The following ALCAM variants were observed in gnomAD, a reference collection of about 807,000 sequenced individuals.
ALCAM encodes CD166 antigen.
A neutral mutation model predicts 70.9 loss-of-function variants in ALCAM; 30 were observed. The observed-to-expected ratio is 0.42, with a 90% confidence interval of 0.32 to 0.57. The LOEUF is 0.57. ALCAM is among the 20% of genes least tolerant of loss of function. The pLI is 0.11. For missense variants in ALCAM, 591 were observed against 695.1 expected, an observed-to-expected ratio of 0.85 and a Z score of 1.68; for synonymous variants, 249 against 242.5, an observed-to-expected ratio of 1.03 and a Z score of -0.25.
chr3:105,515,624 G>A, intron 1 of ALCAM, among the ~76,000 whole-genome samples: 1 of 151,934 alleles, frequency 6.6e-6, no homozygotes, highest in Non-Finnish European at 1.5e-5. Context: ...GAGTGGTGCT[G>A]TCATCTAATG....
intron 9 of ALCAM, among the ~76,000 whole-genome samples, chr3:105,546,335 G>C (rs992394663): frequency 6.6e-6 from 1 of 151,292 alleles, no homozygotes; most frequent in Admixed American, 6.6e-5. Flanking sequence ...AAATTATTTT[G>C]TATTGCTTTA....
intron 1 of ALCAM, among the ~76,000 whole-genome samples, chr3:105,415,115 A>G (rs537178841): frequency 6.6e-6 from 1 of 152,228 alleles, no homozygotes; most frequent in South Asian, 2.1e-4. Flanking sequence ...AGTCCTTTTT[A>G]GAGCACATGT....
intron 1 of ALCAM, among the ~76,000 whole-genome samples, chr3:105,457,752 G>A (rs1223019753): frequency 6.6e-6 from 1 of 152,092 alleles, no homozygotes; most frequent in Non-Finnish European, 1.5e-5. Context: ...GGCTGCAGTT[G>A]TTTGTGTTCA....
chr3:105,551,344 T>C (rs1940400797), intron 12 of ALCAM, among the ~76,000 whole-genome samples: 2 of 151,692 alleles, frequency 1.3e-5, no homozygotes, highest in East Asian at 2.0e-4. Flanking sequence ...TGTTAACCCA[T>C]TGAATGGTAT....
chr3:105,511,787 A>G (rs907549892), intron 1 of ALCAM, among the ~76,000 whole-genome samples: 2 of 152,014 alleles, frequency 1.3e-5, no homozygotes, highest in African/African-American at 4.8e-5. Context: ...ATTTTTCAGT[A>G]TGAGGTTAGA....
intron 1 of ALCAM, among the ~76,000 whole-genome samples, chr3:105,380,994 T>C (rs958249182): frequency 1.3e-5 from 2 of 151,940 alleles, no homozygotes; most frequent in African/African-American, 4.8e-5. Flanking sequence ...AGCCAAATTG[T>C]TTAGTTTTGA....
intron 11 of ALCAM, among the ~76,000 whole-genome samples, chr3:105,549,316 C>T (rs1940335558): frequency 6.6e-6 from 1 of 151,360 alleles, no homozygotes; most frequent in South Asian, 2.1e-4. Flanking sequence ...CCCTCCTCCA[C>T]CCCAGCAACT....
At chr3:105,560,937 A>C (rs994078329) in intron 14 of ALCAM, among the ~76,000 whole-genome samples, 1 of 152,196 alleles carries the variant, frequency 6.6e-6, no homozygotes, top group African/African-American at 2.4e-5. Context: ...TGTGCCACAA[A>C]AAGTTTTGTG....
chr3:105,553,879 A>G (rs1940464157), intron 14 of ALCAM, among the ~76,000 whole-genome samples: 1 of 152,044 alleles, frequency 6.6e-6, no homozygotes, highest in East Asian at 1.9e-4. Context: ...GTGTTGAAGG[A>G]GTAGACCATA....
At chr3:105,455,844 C>T (rs902330769) in intron 1 of ALCAM, among the ~76,000 whole-genome samples, 2 of 152,188 alleles carry the variant, frequency 1.3e-5, no homozygotes, top group Non-Finnish European at 2.9e-5. Context: ...AATCCTAGCA[C>T]TTTGGAAGGC....
At chr3:105,396,908 A>C (rs536181341) in intron 1 of ALCAM, among the ~76,000 whole-genome samples, 1 of 152,188 alleles carries the variant, frequency 6.6e-6, no homozygotes, top group South Asian at 2.1e-4. Context: ...GTGGCATGAA[A>C]GTGTTAACTA....
intron 1 of ALCAM, among the ~76,000 whole-genome samples, chr3:105,401,406 A>G (rs1936086490): frequency 6.6e-6 from 1 of 152,218 alleles, no homozygotes; most frequent in Admixed American, 6.5e-5. Flanking sequence ...GCAGTACAAA[A>G]TGTTCAGGAG....
At chr3:105,562,965 C>G (rs1225858771) in intron 14 of ALCAM, among the ~76,000 whole-genome samples, 3 of 152,068 alleles carry the variant, frequency 2.0e-5, no homozygotes, top group African/African-American at 7.2e-5. Context: ...GCCACCACGC[C>G]TGGCTAATTT....
At chr3:105,541,582 C>T in intron 7 of ALCAM, 51 bp from the exon 8 acceptor site, 1 of 1,588,236 alleles carries the variant, frequency 6.3e-7, no homozygotes, top group Non-Finnish European at 8.6e-7. Flanking sequence ...TACAACTGTT[C>T]TCATTGTAGC....
intron 1 of ALCAM, among the ~76,000 whole-genome samples, chr3:105,494,845 G>A (rs558575749): frequency 6.6e-6 from 1 of 152,124 alleles, no homozygotes; most frequent in South Asian, 2.1e-4. Flanking sequence ...TTTTTTTGTA[G>A]AGATGGAATC....
chr3:105,545,637 A>G (rs1413777832), intron 9 of ALCAM, among the ~76,000 whole-genome samples: 1 of 151,450 alleles, frequency 6.6e-6, no homozygotes, highest in South Asian at 2.1e-4. Flanking sequence ...TATATACCAC[A>G]GGGCTTAATA....
chr3:105,539,538 T>C (rs3772552), intron 6 of ALCAM, among the ~76,000 whole-genome samples: 12,637 of 152,110 alleles, frequency 0.083, 662 homozygotes, highest in Non-Finnish European at 0.12. Context: ...TTTTATTTCA[T>C]ATGAAGTATT....
chr3:105,539,290 C>T (rs1375145089), intron 6 of ALCAM, among the ~76,000 whole-genome samples: 1 of 152,094 alleles, frequency 6.6e-6, no homozygotes, highest in Non-Finnish European at 1.5e-5. Flanking sequence ...ATTTCATTAG[C>T]ATTCTACTAT....
In ALCAM at chr3:105,540,026, A is replaced by G. The variant is rs1940075239; in HGVS notation, c.782A>G (p.Lys261Arg). Residue 261 changes from lysine to arginine, a missense_variant, in exon 7 of 16, where the codon AAA (lysine) becomes AGA (arginine). By Grantham distance (26) the Lys-to-Arg change is conservative. This residue lies in a region of ALCAM where 427 missense variants were observed against 450.4 expected (regional missense o/e 0.95). Coordinates refer to ENST00000306107, the MANE Select transcript of ALCAM (RefSeq NM_001627.4). ...GTGCTGCCACCAAAAAATGCCATCA[A>G]AGAAGGGGATAACATCACTCTTAAA... ...IQVLPPKNAI[K>R]EGDNITLKCL... 1 of 1,612,664 alleles carries G rather than the reference A, an allele frequency of 6.2e-7. No individual in the cohort carries two copies. The highest frequency in any genetic ancestry group is 8.5e-7 in the Non-Finnish European group (1 of 1,179,006).
Sources: allele counts gnomAD v4.1 joint callset (sites outside exome capture counted in the v4.1 genomes callset), GRCh38; gene constraint gnomAD v4.1.1; regional missense constraint gnomAD v4.1.1; transcripts MANE v1.5; gene names NCBI Gene and HGNC (gene_info 2026-07-23, HGNC 2026-07-21).